The following ABCF1 variants were observed in gnomAD, a reference collection of about 807,000 sequenced individuals.
ABCF1 encodes ATP binding cassette subfamily F member 1.
A neutral mutation model predicts 126.3 loss-of-function variants in ABCF1; 73 were observed. That is an observed-to-expected ratio of 0.58 (90% confidence interval 0.48 to 0.70). The LOEUF (loss-of-function observed/expected upper bound fraction) is 0.70. Ranked by LOEUF, ABCF1 falls within the 30% of genes least tolerant of loss-of-function variation. The pLI is 0.00. For missense variants in ABCF1, 786 were observed against 1,057.5 expected (o/e 0.74, Z 3.56); for synonymous variants, 345 against 396.4 (o/e 0.87, Z 1.54).
intron 1 of ABCF1, among the ~76,000 whole-genome samples, chr6:30,573,320 A>C (rs1801348314): frequency 6.6e-6 from 1 of 152,230 alleles, no homozygotes; most frequent in Non-Finnish European, 1.5e-5. Flanking sequence ...CAGGAGAGTA[A>C]GAAGTGGAAA....
intron 3 of ABCF1, 60 bp downstream of exon 3, chr6:30,577,973 C>G: frequency 6.2e-7 from 1 of 1,613,272 alleles, no homozygotes; most frequent in Non-Finnish European, 8.5e-7. Context: ...CAACCCCTTT[C>G]CAGCCCATGT....
rs542669200 is a variant in ABCF1, at chr6:30,587,072, T to C, written c.2031+361T>C. On this transcript the variant is annotated intron_variant, in intron 20 of 24. Transcript: ENST00000326195. Reference sequence around the variant, plus strand: ...GAGTTCCAGACCAGCCTAGCCAACATAGTGAACCCCGCCTCTACTAAAAAT... The same window carrying C: ...GAGTTCCAGACCAGCCTAGCCAACACAGTGAACCCCGCCTCTACTAAAAAT... 9.9e-5 allele frequency among the ~76,000 whole-genome samples: 15 copies of C among 152,136 alleles called. 1 individual carries two copies. In the South Asian group the frequency reaches 2.3e-3, roughly 23 times the overall value.
rs140074078 is a variant in ABCF1, at chr6:30,584,788, C to T, written c.1391+222C>T. Among the ~76,000 whole-genome samples, 19 of 152,266 alleles carry T rather than the reference C, an allele frequency of 1.2e-4. No homozygotes were observed. The East Asian group carries it at 3.3e-3, about 26-fold the overall frequency. On this transcript the variant is annotated intron_variant, in intron 14 of 24. Transcript: ENST00000326195. The surrounding 1 kb of genome is among the most constrained non-coding windows in gnomAD (Gnocchi z 4.6). ...TGCAGCTGGGTGCAATGGGTCACGCCTGTAATCCCAGCACTTTGGAAGGCA... is the reference window on the plus strand; with the variant it reads ...TGCAGCTGGGTGCAATGGGTCACGCTTGTAATCCCAGCACTTTGGAAGGCA...
chr6:30,578,515 G>A lies in ABCF1; in HGVS notation c.427G>A (p.Glu143Lys). 3 of 1,614,010 alleles carry A rather than the reference G, an allele frequency of 1.9e-6. No individual in the cohort carries two copies. The highest frequency in any genetic ancestry group is 2.2e-5 in the South Asian group (2 of 91,066). Residue 143 changes from glutamate (E) to lysine (K), a missense_variant, in exon 6 of 25, where the codon GAG becomes AAG. By Grantham distance (56) the Glu-to-Lys change is moderately conservative. Transcript: ENST00000326195. ...CCTGATTCAGGATCAGAGTGAGGAAGAGGAGGAGGAAGAAAAACATCCTCC... is the reference window on the plus strand; with the variant it reads ...CCTGATTCAGGATCAGAGTGAGGAAAAGGAGGAGGAAGAAAAACATCCTCC... ...AALIQDQSEE[E>K]EEEEKHPPKP...
chr6:30,585,844 C>A, intron 16 of ABCF1, 35 bp from the exon 17 acceptor site: 2 of 1,572,154 alleles, frequency 1.3e-6, no homozygotes, highest in Admixed American at 3.7e-5. Context: ...GGAAGAGGAG[C>A]AACCACTGAT....
At position 30,586,681 on chromosome 6, in the gene ABCF1, A is replaced by G. The variant is rs775523248; in HGVS notation, c.2001A>G (p.Leu667=). 1.1e-5 allele frequency: 18 copies of G among 1,613,410 alleles called. No homozygotes were observed. The highest frequency in any genetic ancestry group is 1.4e-5 in the Non-Finnish European group (16 of 1,179,980). ...CTAATGGTGTGGGGAAGAGTACGCTACTCCTGCTGCTGACTGGCAAGCTGA... is the reference window on the plus strand; with the variant it reads ...CTAATGGTGTGGGGAAGAGTACGCTGCTCCTGCTGCTGACTGGCAAGCTGA... ...VGPNGVGKST[L]LLLLTGKLTP... Residue 667 remains leucine (L), a synonymous_variant, in exon 20 of 25, where the codon CTA becomes CTG. Coordinates refer to ENST00000326195, the MANE Select transcript of ABCF1 (RefSeq NM_001025091.2). The surrounding 1 kb of genome is among the most constrained non-coding windows in gnomAD (Gnocchi z 4.9).
At chr6:30,577,065 T>C (rs1801536746) in intron 1 of ABCF1, among the ~76,000 whole-genome samples, 1 of 152,228 alleles carries the variant, frequency 6.6e-6, no homozygotes, top group African/African-American at 2.4e-5. Flanking sequence ...ACCTTTTCTT[T>C]TGGAACCTTC....
Position 30,574,738 on chromosome 6 carries a change from G to A in ABCF1, c.74-2671G>A, listed in dbSNP as rs1306649726. Among the ~76,000 whole-genome samples the A allele has an allele frequency of 2.6e-5, 4 of 151,916 alleles. No individual in the cohort carries two copies. The highest frequency in any genetic ancestry group is 5.9e-5 in the Non-Finnish European group (4 of 67,988). On this transcript the variant is annotated intron_variant, in intron 1 of 24. Coordinates refer to ENST00000326195, the MANE Select transcript of ABCF1 (RefSeq NM_001025091.2). This position sits in a 1 kb window ranked among gnomAD's most constrained non-coding sequence, Gnocchi z 4.3. Reference sequence around the variant, plus strand: ...TTGTTTTTTGTGGTTTGTTTTTTGGGGAGGAGGAGGGCCCCAAACTTTGAA... The same window carrying A: ...TTGTTTTTTGTGGTTTGTTTTTTGGAGAGGAGGAGGGCCCCAAACTTTGAA...
intron 2 of ABCF1, 24 bp from the exon 3 acceptor site, chr6:30,577,794 C>G (rs768981882): frequency 3.1e-6 from 5 of 1,610,730 alleles, no homozygotes; most frequent in Non-Finnish European, 4.2e-6. Flanking sequence ...AACATGTTTA[C>G]CTGTAGCTTA....
Position 30,590,906 on chromosome 6 carries a change from C to G in ABCF1, c.*205C>G. The stretch of plus-strand genomic sequence containing the variant: ...TGAAAGACTTGTTTGTTCTGCTTCT[C>G]TTCATATAACTGAGCTGGCCTTATC... On this transcript the variant is annotated 3_prime_UTR_variant, in exon 25 of 25. Coordinates refer to ENST00000326195, the MANE Select transcript of ABCF1 (RefSeq NM_001025091.2). The G allele has an allele frequency of 1.8e-6, 1 of 543,924 alleles. No homozygotes were observed. The highest frequency in any genetic ancestry group is 3.1e-6 in the Non-Finnish European group (1 of 317,828). The allele number at this position is 543,924 out of a possible 1,614,324, so 33.7% of individuals were successfully genotyped here.
At chr6:30,577,597 A>T in intron 2 of ABCF1, 142 bp downstream of exon 2, 1 of 1,131,380 alleles carries the variant, frequency 8.8e-7, no homozygotes, top group Non-Finnish European at 1.3e-6. Flanking sequence ...GGTGGCTTAC[A>T]CCTGTAATCC....
chr6:30,575,492 G>A (rs1231184416), intron 1 of ABCF1, among the ~76,000 whole-genome samples: 1 of 151,990 alleles, frequency 6.6e-6, no homozygotes, highest in Non-Finnish European at 1.5e-5. Context: ...AAATCATGAG[G>A]CTGCCTCCAG....
chr6:30,589,376 G>A (rs1339108524), intron 20 of ABCF1: 2 of 410,884 alleles, frequency 4.9e-6, no homozygotes, highest in Non-Finnish European at 8.8e-6. Context: ...AGAAAAGTTG[G>A]TGTATGGACG....
rs757631628 is a variant in ABCF1 at position 30,586,314 on chromosome 6, C to T, written c.1885+9C>T. On this transcript the variant is annotated intron_variant, in intron 18 of 24. Coordinates refer to ENST00000326195, the MANE Select transcript of ABCF1 (RefSeq NM_001025091.2). This position sits in a 1 kb window ranked among gnomAD's most constrained non-coding sequence, Gnocchi z 4.9. The stretch of plus-strand genomic sequence containing the variant: ...AGTGCTGGGTCTGCATGGTGAGTGC[C>T]GCGGGCCTCTGCTGCTCCACAGGAA... 53 of 1,602,602 alleles carry T rather than the reference C, an allele frequency of 3.3e-5. No homozygotes were observed. Among genetic ancestry groups the T allele is most frequent in the South Asian group, 1.4e-4 (13 of 90,106 alleles).
At position 30,585,649 on chromosome 6, in the gene ABCF1, G is replaced by T. The variant is rs760703272; in HGVS notation, c.1567G>T (p.Ala523Ser). Residue 523 changes from alanine to serine, a missense_variant, in exon 16 of 25, where the codon GCC (alanine) becomes TCC (serine). Physicochemically the swap from Ala to Ser is moderately conservative, Grantham distance 99 (BLOSUM62 1). Transcript: ENST00000326195. ...DVCTDIIHLD[A>S]QRLHYYRGNY... ...CTGCACTGATATCATCCACCTCGATGCCCAGCGGCTCCACTACTATAGGGG... is the reference window on the plus strand; with the variant it reads ...CTGCACTGATATCATCCACCTCGATTCCCAGCGGCTCCACTACTATAGGGG... 8 of 1,612,930 alleles carry T rather than the reference G, an allele frequency of 5.0e-6. No homozygotes were observed. The African/African-American group carries it at 6.7e-5, about 13-fold the overall frequency.
In ABCF1 at chr6:30,583,998, G is replaced by C; in HGVS notation, c.1102+108G>C. ...TGGCTATGGAGTTGGAAGGGATGTGGAGGGAGACTGGAGACCGGGAAAGGG... is the reference window on the plus strand; with the variant it reads ...TGGCTATGGAGTTGGAAGGGATGTGCAGGGAGACTGGAGACCGGGAAAGGG... On this transcript the variant is annotated intron_variant, in intron 12 of 24. Transcript: ENST00000326195. This position sits in a 1 kb window ranked among gnomAD's most constrained non-coding sequence, Gnocchi z 4.1. The C allele has an allele frequency of 6.9e-7, 1 of 1,448,666 alleles. No homozygotes were observed. The highest frequency in any genetic ancestry group is 1.2e-5 in the South Asian group (1 of 83,996). 89.7% of individuals were successfully genotyped at this position (1,448,666 alleles called of 1,614,324 possible). A position where few individuals can be genotyped will look rare whatever the true frequency, so the allele number is the denominator to read the frequency against.
Position 30,586,291 on chromosome 6 carries a change from T to C in ABCF1, c.1871T>C (p.Val624Ala). The part of the protein sequence containing the change: ...FPDPPPLSPP[V>A]LGLHGVTFGY... ...GACCCCCCACCACTCAGCCCTCCAG[T>C]GCTGGGTCTGCATGGTGAGTGCCGC... The change falls in exon 18 of 25, where the codon GTG (valine) becomes GCG (alanine). Residue 624 changes from valine to alanine, a missense_variant. Val to Ala is a moderately conservative substitution (Grantham distance 64). Transcript: ENST00000326195. This position sits in a 1 kb window ranked among gnomAD's most constrained non-coding sequence, Gnocchi z 4.9. 1 of 1,609,276 alleles carries C rather than the reference T, an allele frequency of 6.2e-7. No homozygotes were observed. The highest frequency in any genetic ancestry group is 8.5e-7 in the Non-Finnish European group (1 of 1,177,584).
At chr6:30,576,369 C>T (rs1801503108) in intron 1 of ABCF1, among the ~76,000 whole-genome samples, 1 of 141,480 alleles carries the variant, frequency 7.1e-6, no homozygotes, top group African/African-American at 2.6e-5. Context: ...CTCACTGCAA[C>T]CTCCGCCTCC....
Position 30,590,693 on chromosome 6 carries a change from C to G in ABCF1, c.2530C>G (p.Arg844Gly), listed in dbSNP as rs759114992. 2.0e-6 allele frequency: 3 copies of G among 1,534,582 alleles called. No homozygotes were observed. The highest frequency in any genetic ancestry group is 1.1e-5 in the South Asian group (1 of 86,970). The change falls in exon 25 of 25, where the codon CGA becomes GGA. Residue 844 changes from arginine (R) to glycine (G), a missense_variant. Coordinates refer to ENST00000326195, the MANE Select transcript of ABCF1 (RefSeq NM_001025091.2). ...GGGTGAAGTCATGGTCAGCCGGCCC[C>G]GAGAGTGAGCTTTCCTTCCCAGAAG... Reference protein sequence around the residue: ...ALGEVMVSRPRE With the variant: ...ALGEVMVSRPGE
Sources: gnomAD v4.1 joint callset for allele counts (sites outside exome capture counted in the v4.1 genomes callset) on GRCh38, gnomAD v4.1.1 for gene constraint, Gnocchi (gnomAD v3.1) non-coding constraint, MANE v1.5 for transcripts, NCBI Gene and HGNC (gene_info 2026-07-23, HGNC 2026-07-21) for gene names.